RNF20: variants seen among roughly 807,000 people sequenced by gnomAD.
RNF20 encodes the protein ring finger protein 20.
RNF20 carries 84 observed loss-of-function variants against 126.2 expected under a neutral mutation model. The ratio of observed to expected loss-of-function variants is 0.67; its 90% CI spans 0.56 to 0.80. The LOEUF is 0.80. Ranked by LOEUF, RNF20 falls within the 30% of genes least tolerant of loss-of-function variation. RNF20 has a pLI of 0.00. For missense variants in RNF20, 869 were observed against 1,188.2 expected (o/e 0.73, Z 3.95); for synonymous variants, 400 against 414.3 (o/e 0.97, Z 0.42).
In RNF20 at chr9:101,547,588, G is replaced by C. The variant is rs1002898270; in HGVS notation, c.1092+70G>C. 1.6e-5 allele frequency: 24 copies of C among 1,542,750 alleles called. No homozygotes were observed. In the African/African-American group the frequency reaches 2.6e-4, roughly 17 times the overall value. ...GATCAACTCACGTATATACATAGTTGTGAATCTGCGTATTCATGAGGGATA... is the reference window on the plus strand; with the variant it reads ...GATCAACTCACGTATATACATAGTTCTGAATCTGCGTATTCATGAGGGATA... On this transcript the variant is annotated intron_variant, in intron 9 of 19. Transcript: ENST00000389120.
chr9:101,549,929 A>G (rs1457063587), intron 9 of RNF20, among the ~76,000 whole-genome samples: 1 of 152,232 alleles, frequency 6.6e-6, no homozygotes, highest in Non-Finnish European at 1.5e-5. Flanking sequence ...TATATCTGGC[A>G]TAACTATTCT....
At position 101,550,859 on chromosome 9, in the gene RNF20, G is replaced by A. The variant is rs1274909378; in HGVS notation, c.1272+74G>A. ...ATTTTACAATTTTACTCCCTCATGT[G>A]CAATTAATCTCTCATTCATTCAGCT... On this transcript the variant is annotated intron_variant, in intron 10 of 19. Coordinates refer to ENST00000389120, the MANE Select transcript of RNF20 (RefSeq NM_019592.7). 4 of 1,265,988 alleles carry A rather than the reference G, an allele frequency of 3.2e-6. No homozygotes were observed. The East Asian group carries it at 9.2e-5, about 29-fold the overall frequency. The allele number at this position is 1,265,988 out of a possible 1,614,324, so 78.4% of individuals were successfully genotyped here.
At position 101,562,104 on chromosome 9, in the gene RNF20, A is replaced by G. The variant is rs569843741; in HGVS notation, c.2751+93A>G. 3.0e-5 allele frequency: 39 copies of G among 1,297,042 alleles called. No homozygotes were observed. The South Asian group carries it at 4.9e-4, about 16-fold the overall frequency. 80.3% of individuals were successfully genotyped at this position (1,297,042 alleles called of 1,614,324 possible). On this transcript the variant is annotated intron_variant, in intron 19 of 19. Transcript: ENST00000389120. ...TAATTTGCATGATAGTAACCAGAGAATGGTTTATTTTGGAGGTTGGGGGGA... is the reference window on the plus strand; with the variant it reads ...TAATTTGCATGATAGTAACCAGAGAGTGGTTTATTTTGGAGGTTGGGGGGA...
At position 101,547,499 on chromosome 9, in the gene RNF20, C is replaced by A. The variant is rs762803870; in HGVS notation, c.1073C>A (p.Thr358Lys). 4.3e-6 allele frequency: 7 copies of A among 1,614,058 alleles called. No homozygotes were observed. Among genetic ancestry groups the A allele is most frequent in the Non-Finnish European group, 5.9e-6 (7 of 1,179,976 alleles). ...CGGCAAGACTTTGAGGAGGTCACTACACAAAATGAAAAGCTGAAGGTAGGA... is the reference window on the plus strand; with the variant it reads ...CGGCAAGACTTTGAGGAGGTCACTAAACAAAATGAAAAGCTGAAGGTAGGA... ...KLRQDFEEVTTQNEKLKVELR... is the reference protein window; with the variant it reads ...KLRQDFEEVTKQNEKLKVELR... The change falls in exon 9 of 20, where the codon ACA becomes AAA. Residue 358 changes from threonine to lysine, a missense_variant. Thr to Lys is a moderately conservative substitution (Grantham distance 78). This residue lies in a region of RNF20 where 153 missense variants were observed against 226.4 expected (regional missense o/e 0.68). Coordinates refer to ENST00000389120, the MANE Select transcript of RNF20 (RefSeq NM_019592.7).
chr9:101,560,280 T>C (rs1454432220), intron 16 of RNF20, among the ~76,000 whole-genome samples: 5 of 152,170 alleles, frequency 3.3e-5, no homozygotes, highest in South Asian at 2.1e-4. Context: ...CTTTTTGATA[T>C]GCTTTTTGAA....
At chr9:101,534,639 G>A (rs1455335891) in intron 1 of RNF20, among the ~76,000 whole-genome samples, 1 of 152,150 alleles carries the variant, frequency 6.6e-6, no homozygotes, top group African/African-American at 2.4e-5. Flanking sequence ...AGGAAACTGA[G>A]GCTTAGAGAT....
Position 101,540,535 on chromosome 9 carries a change from C to T in RNF20, c.343C>T (p.Gln115Ter). Residue 115 changes from glutamine (Q) to a stop codon, truncating the protein, a stop_gained, in exon 4 of 20, where the codon CAG becomes TAG. Transcript: ENST00000389120. LOFTEE classifies it high-confidence loss of function. ...CATCCTTAAACGTTATGATCTGGAG[C>T]AGGGCTTGGGAGACCTACTCACAGA... ...RIILKRYDLE[Q>*]GLGDLLTERK... 1 of 1,613,848 alleles carries T rather than the reference C, an allele frequency of 6.2e-7. No individual in the cohort carries two copies. Among genetic ancestry groups the T allele is most frequent in the Non-Finnish European group, 8.5e-7 (1 of 1,179,836 alleles).
At chr9:101,557,636 G>A (rs984886800) in intron 16 of RNF20, 40 bp downstream of exon 16, 4 of 1,453,548 alleles carry the variant, frequency 2.8e-6, no homozygotes, top group East Asian at 2.3e-5. Flanking sequence ...TGTTGAAATA[G>A]GGTGCTTTCT....
chr9:101,547,552 G>C (rs1827372520), intron 9 of RNF20, 34 bp downstream of exon 9: 1 of 1,612,504 alleles, frequency 6.2e-7, no homozygotes, highest in African/African-American at 1.3e-5. Flanking sequence ...AGTAAAATCA[G>C]ACGTTCTGCT....
At chr9:101,562,054 T>C (rs1827635964) in intron 19 of RNF20, 43 bp downstream of exon 19, 2 of 1,427,890 alleles carry the variant, frequency 1.4e-6, no homozygotes, top group Admixed American at 1.8e-5. Flanking sequence ...GTCAAAGCTT[T>C]AAGTGGCCTA....
At position 101,540,473 on chromosome 9, in the gene RNF20, T is replaced by G. The variant is rs1350074996; in HGVS notation, c.298-17T>G. ...TGTGTCCTTTGTTTCTTCATAATTG[T>G]ACCTACCCTTCTCCAGTTTGATGAA... On this transcript the variant is annotated splice_polypyrimidine_tract_variant and intron_variant, in intron 3 of 19. Transcript: ENST00000389120. 1 of 1,613,426 alleles carries G rather than the reference T, an allele frequency of 6.2e-7. No homozygotes were observed. The highest frequency in any genetic ancestry group is 1.7e-5 in the Admixed American group (1 of 59,996).
intron 1 of RNF20, among the ~76,000 whole-genome samples, chr9:101,534,763 T>G (rs1013339093): frequency 2.0e-5 from 3 of 152,164 alleles, no homozygotes; most frequent in Non-Finnish European, 4.4e-5. Flanking sequence ...AAACTGCCCT[T>G]TTCTGATTTT....
chr9:101,562,107 G>A, intron 19 of RNF20, 96 bp downstream of exon 19: 1 of 1,303,698 alleles, frequency 7.7e-7, no homozygotes, highest in Non-Finnish European at 1.1e-6. Context: ...CCAGAGAATG[G>A]TTTATTTTGG....
chr9:101,556,057 C>T (rs1351484307), intron 15 of RNF20, among the ~76,000 whole-genome samples: 2 of 150,716 alleles, frequency 1.3e-5, no homozygotes, highest in African/African-American at 4.9e-5. Context: ...GGAAATTATA[C>T]TATTATAGGT....
rs753522890 is a variant in RNF20 at position 101,550,827 on chromosome 9, C to T, written c.1272+42C>T. 2.2e-5 allele frequency: 34 copies of T among 1,581,154 alleles called. No individual in the cohort carries two copies. In the East Asian group the frequency reaches 7.2e-4, roughly 33 times the overall value. Reference sequence around the variant, plus strand: ...GTCTTTTGTATGTAAGCTTTCTTGCCTCCTAAATTTTACAATTTTACTCCC... The same window carrying T: ...GTCTTTTGTATGTAAGCTTTCTTGCTTCCTAAATTTTACAATTTTACTCCC... On this transcript the variant is annotated intron_variant, in intron 10 of 19. Coordinates refer to ENST00000389120, the MANE Select transcript of RNF20 (RefSeq NM_019592.7).
intron 3 of RNF20, 39 bp from the exon 4 acceptor site, chr9:101,540,451 G>T (rs1156659732): frequency 6.2e-7 from 1 of 1,611,106 alleles, no homozygotes; most frequent in Non-Finnish European, 8.5e-7. Flanking sequence ...CCAAAGTTGT[G>T]TCCTTTGTTT....
rs78338518 is a variant in RNF20 at position 101,555,348 on chromosome 9, T to A, written c.2169+505T>A. Among the ~76,000 whole-genome samples the A allele has an allele frequency of 1.3e-3, 205 of 152,154 alleles. 2 individuals are homozygous for A. The East Asian group carries it at 0.029, about 21-fold the overall frequency. ...TAAGGATATAATCTATTAACCAATA[T>A]AATAACATTGATTAAGCAGTATGTT... On this transcript the variant is annotated intron_variant, in intron 15 of 19. Coordinates refer to ENST00000389120, the MANE Select transcript of RNF20 (RefSeq NM_019592.7).
intron 9 of RNF20, 124 bp from the exon 10 acceptor site, chr9:101,550,481 CT>C (rs1420722937): frequency 5.1e-6 from 4 of 791,528 alleles, no homozygotes; most frequent in Non-Finnish European, 8.4e-6. Flanking sequence ...GGGTAGATAA[CT>C]TAATAATCTT....
intron 12 of RNF20, 34 bp from the exon 13 acceptor site, chr9:101,552,349 G>C: frequency 1.2e-6 from 2 of 1,609,562 alleles, no homozygotes; most frequent in Non-Finnish European, 1.7e-6. Context: ...GTTATCATAA[G>C]AGATGTGCAT....
Sources: gnomAD v4.1 joint callset for allele counts (sites outside exome capture counted in the v4.1 genomes callset) on GRCh38, gnomAD v4.1.1 for gene constraint, gnomAD v4.1.1 regional missense constraint, MANE v1.5 for transcripts, NCBI Gene and HGNC (gene_info 2026-07-23, HGNC 2026-07-21) for gene names.